HECW2: variants seen among roughly 807,000 people sequenced by gnomAD.
The protein encoded by HECW2 is HECT, C2 and WW domain containing E3 ubiquitin protein ligase 2, also known as E3 ubiquitin-protein ligase HECW2.
HECW2 carries 61 observed loss-of-function variants against 175.2 expected under a neutral mutation model. That is an observed-to-expected ratio of 0.35 (90% CI 0.28 to 0.43). The LOEUF (loss-of-function observed/expected upper bound fraction) is 0.43, where lower values mean the gene tolerates loss of function less well. Among genes scored for constraint, HECW2 ranks in the 20% least tolerant of loss-of-function variants. The pLI, the probability that HECW2 is intolerant of heterozygous loss-of-function variation, is 1.00. For missense variants in HECW2, 1,524 were observed against 2,000.5 expected (o/e 0.76, Z 4.54); for synonymous variants, 671 against 731.0 (o/e 0.92, Z 1.32).
At chr2:196,511,229 C>A (rs1374182505) in intron 1 of HECW2, among the ~76,000 whole-genome samples, 1 of 152,156 alleles carries the variant, frequency 6.6e-6, no homozygotes, top group African/African-American at 2.4e-5. Flanking sequence ...CATATAGGTA[C>A]AATAAATATT....
chr2:196,225,676 G>T, intron 23 of HECW2, 96 bp downstream of exon 23: 1 of 746,332 alleles, frequency 1.3e-6, no homozygotes, highest in Non-Finnish European at 2.4e-6. Context: ...TTGAGATTGT[G>T]AACAGATAAA....
At position 196,559,528 on chromosome 2, in the gene HECW2, C is replaced by A. The variant is rs574653556; in HGVS notation, c.-36+33980G>T. 5.3e-5 allele frequency among the ~76,000 whole-genome samples: 8 copies of A among 152,298 alleles called. No homozygotes were observed. The South Asian group carries it at 1.2e-3, about 24-fold the overall frequency. On this transcript the variant is annotated intron_variant, in intron 1 of 28. Coordinates refer to ENST00000644978, the MANE Select transcript of HECW2 (RefSeq NM_001348768.2). ...GTTGATTACTGCTCATAGGGTTATG[C>A]GACAAGCCTGCAGTGTCATGGAACA...
chr2:196,249,024 G>A (rs1315088098), intron 19 of HECW2, among the ~76,000 whole-genome samples: 2 of 152,176 alleles, frequency 1.3e-5, no homozygotes, highest in South Asian at 2.1e-4. Context: ...TCAATGTGCA[G>A]TGTATAGGAA....
At chr2:196,495,301 C>T (rs1376886853) in intron 1 of HECW2, among the ~76,000 whole-genome samples, 2 of 151,900 alleles carry the variant, frequency 1.3e-5, no homozygotes, top group African/African-American at 2.4e-5. Context: ...CTCCCGATCT[C>T]GTGATCTGTC....
At chr2:196,350,911 C>A (rs527605570) in intron 2 of HECW2, among the ~76,000 whole-genome samples, 6 of 152,312 alleles carry the variant, frequency 3.9e-5, no homozygotes, top group African/African-American at 1.4e-4. Context: ...GAAGAGTTTA[C>A]GGAGATCTCC....
intron 1 of HECW2, among the ~76,000 whole-genome samples, chr2:196,523,804 C>T (rs1688516798): frequency 6.6e-6 from 1 of 151,198 alleles, no homozygotes; most frequent in African/African-American, 2.4e-5. Flanking sequence ...ATTGAACCAG[C>T]CTTGCATCCC....
chr2:196,437,505 A>G (rs1428761682), intron 1 of HECW2, among the ~76,000 whole-genome samples: 1 of 151,242 alleles, frequency 6.6e-6, no homozygotes, highest in Admixed American at 6.6e-5. Context: ...CCAGCTACTC[A>G]GGAGGCTGAG....
rs1688937117 is a variant in HECW2, at chr2:196,534,120, T to C, written c.-36+59388A>G. ...GTCCCAACTTTGTGTCTAAACTAAA[T>C]GAGATCAGACAATTTGAAAGTAGTA... On this transcript the variant is annotated intron_variant, in intron 1 of 28. Coordinates refer to ENST00000644978, the MANE Select transcript of HECW2 (RefSeq NM_001348768.2). Among the ~76,000 whole-genome samples the C allele has an allele frequency of 2.0e-5, 3 of 152,196 alleles. No homozygotes were observed. In the South Asian group the frequency reaches 6.2e-4, roughly 32 times the overall value.
intron 19 of HECW2, among the ~76,000 whole-genome samples, chr2:196,253,588 A>G (rs6749366): frequency 0.65 from 98,629 of 152,084 alleles, 32,871 homozygotes; most frequent in Middle Eastern, 0.74. Flanking sequence ...TCTTCATTGT[A>G]TATCAAAAAA....
In HECW2 at chr2:196,253,978, G is replaced by A. The variant is rs1175797387; in HGVS notation, c.3471C>T (p.His1157=). Residue 1157 remains histidine (H), a synonymous_variant, in exon 19 of 29, where the codon CAC becomes CAT. Coordinates refer to ENST00000644978, the MANE Select transcript of HECW2 (RefSeq NM_001348768.2). ...MSYVPPHALL[H]PSYCQSPRGS... is the part of the protein sequence containing the mutation. ...CACGTGGGGACTGACAGTAGCTGGG[G>A]TGGAGTAAGGCATGTGGAGGCACAT... is the stretch of plus-strand genomic sequence containing the variant. 3 of 1,614,076 alleles carry A rather than the reference G, an allele frequency of 1.9e-6. No individual in the cohort carries two copies. Among genetic ancestry groups the A allele is most frequent in the African/African-American group, 1.3e-5 (1 of 75,046 alleles).
chr2:196,350,360 G>A lies in HECW2; in HGVS notation c.293-6596C>T, dbSNP rs551264670. ...GGCCTGGGCAACAGGGCGAGACTCC[G>A]TCTTAAAAAAATAAACAAATAAAAT... is the stretch of plus-strand genomic sequence containing the variant. On this transcript the variant is annotated intron_variant, in intron 2 of 28. Transcript: ENST00000644978. Among the ~76,000 whole-genome samples the A allele has an allele frequency of 3.9e-5, 6 of 152,272 alleles. 1 individual carries two copies. In the South Asian group the frequency reaches 8.3e-4, roughly 21 times the overall value.
intron 1 of HECW2, among the ~76,000 whole-genome samples, chr2:196,441,853 G>A (rs963506496): frequency 6.6e-6 from 1 of 152,160 alleles, no homozygotes; most frequent in Non-Finnish European, 1.5e-5. Context: ...GGTAACTGGA[G>A]CTGCCCCTCA....
At chr2:196,580,712 T>C (rs1393877964) in intron 1 of HECW2, among the ~76,000 whole-genome samples, 1 of 150,540 alleles carries the variant, frequency 6.6e-6, no homozygotes, top group African/African-American at 2.4e-5. Context: ...ATACATCGAT[T>C]AGAATATAAA....
In HECW2 at chr2:196,259,081, C is replaced by A. The variant is rs534341816; in HGVS notation, c.3336-1175G>T. Among the ~76,000 whole-genome samples the A allele has an allele frequency of 2.0e-5, 3 of 152,302 alleles. No homozygotes were observed. In the East Asian group the frequency reaches 5.8e-4, roughly 29 times the overall value. On this transcript the variant is annotated intron_variant, in intron 17 of 28. Coordinates refer to ENST00000644978, the MANE Select transcript of HECW2 (RefSeq NM_001348768.2). Reference sequence around the variant, plus strand: ...CTCTGCCTCCTGGGTTCAAATGATTCTCCTGCCTCAGACATTTGAGTAGCT... The same window carrying A: ...CTCTGCCTCCTGGGTTCAAATGATTATCCTGCCTCAGACATTTGAGTAGCT...
Position 196,243,003 on chromosome 2 carries a change from C to G in HECW2, c.3530-799G>C, listed in dbSNP as rs1369468239. On this transcript the variant is annotated intron_variant, in intron 19 of 28. Coordinates refer to ENST00000644978, the MANE Select transcript of HECW2 (RefSeq NM_001348768.2). ...CCACCGCACCTGGCCTACAAAACTT[C>G]TTTTAGATATGCACTATCACCAAGA... 2.0e-5 allele frequency among the ~76,000 whole-genome samples: 3 copies of G among 151,878 alleles called. No individual in the cohort carries two copies. The East Asian group carries it at 5.8e-4, about 30-fold the overall frequency.
intron 2 of HECW2, among the ~76,000 whole-genome samples, chr2:196,351,610 C>A (rs1693173603): frequency 6.6e-6 from 1 of 152,144 alleles, no homozygotes; most frequent in Admixed American, 6.5e-5. Flanking sequence ...TGCCAGAGAG[C>A]AGAAAAATAA....
intron 1 of HECW2, among the ~76,000 whole-genome samples, chr2:196,555,420 G>A (rs766701085): frequency 2.6e-5 from 4 of 152,130 alleles, no homozygotes; most frequent in Non-Finnish European, 5.9e-5. Flanking sequence ...CTAATCACCT[G>A]CCAAAGGCCA....
intron 2 of HECW2, among the ~76,000 whole-genome samples, chr2:196,415,878 T>A (rs184641957): frequency 2.0e-4 from 31 of 152,020 alleles, no homozygotes; most frequent in African/African-American, 6.0e-4. Context: ...TATCAAAGGG[T>A]GTTGGGAGTT....
chr2:196,312,330 T>A (rs1691528026), intron 10 of HECW2, among the ~76,000 whole-genome samples: 1 of 152,196 alleles, frequency 6.6e-6, no homozygotes, highest in Non-Finnish European at 1.5e-5. Flanking sequence ...GAAATAAATG[T>A]ATAAATCCAC....
Sources: gnomAD v4.1 joint callset for allele counts (sites outside exome capture counted in the v4.1 genomes callset) on GRCh38, gnomAD v4.1.1 for gene constraint, MANE v1.5 for transcripts, NCBI Gene and HGNC (gene_info 2026-07-23, HGNC 2026-07-21) for gene names.